Variants in GAREM1 observed in about 807,000 individuals in gnomAD.
The protein encoded by GAREM1 is GRB2 associated regulator of MAPK1 subtype 1, also known as GRB2-associated and regulator of MAPK protein 1.
Under a neutral mutation model 71.3 loss-of-function variants are expected in GAREM1, and 26 were observed. That is an observed-to-expected ratio of 0.36 (90% CI 0.27 to 0.51). GAREM1 has a LOEUF of 0.51. GAREM1 is among the 20% of genes least tolerant of loss of function. The pLI is 0.95. For missense variants in GAREM1, 1,026 were observed against 1,103.1 expected, an observed-to-expected ratio of 0.93 and a Z score of 0.99; for synonymous variants, 440 against 433.2, an observed-to-expected ratio of 1.02 and a Z score of -0.20.
intron 2 of GAREM1, among the ~76,000 whole-genome samples, chr18:32,332,724 C>T (rs1009489229): frequency 5.3e-5 from 8 of 152,136 alleles, no homozygotes; most frequent in Non-Finnish European, 7.3e-5. Flanking sequence ...GGGACACTGT[C>T]GGGATTAAAC....
chr18:32,311,023 A>G (rs1311221746), intron 2 of GAREM1, among the ~76,000 whole-genome samples: 1 of 152,214 alleles, frequency 6.6e-6, no homozygotes, highest in Admixed American at 6.5e-5. Context: ...ACTGCTATAT[A>G]TGAAATTCAT....
chr18:32,431,299 C>T (rs570246479), intron 1 of GAREM1, among the ~76,000 whole-genome samples: 1 of 152,166 alleles, frequency 6.6e-6, no homozygotes, highest in South Asian at 2.1e-4. Flanking sequence ...CATGCTATAA[C>T]GGTCCAGAAG....
chr18:32,382,526 GGAT>G (rs1287816609), intron 2 of GAREM1, among the ~76,000 whole-genome samples: 1 of 151,572 alleles, frequency 6.6e-6, no homozygotes, highest in African/African-American at 2.4e-5. Context: ...GTCTGCTGGA[GGAT>G]GATGCTTGTA....
At position 32,359,234 on chromosome 18, in the gene GAREM1, C is replaced by T. The variant is rs188164931; in HGVS notation, c.262+33661G>A. Among the ~76,000 whole-genome samples, 833 of 152,318 alleles carry T rather than the reference C, an allele frequency of 5.5e-3. 6 individuals are homozygous for T. The highest frequency in any genetic ancestry group is 0.019 in the African/African-American group (796 of 41,572). On this transcript the variant is annotated intron_variant, in intron 2 of 5. Coordinates refer to ENST00000269209, the MANE Select transcript of GAREM1 (RefSeq NM_001242409.2). ...GCAGCCCATGCCCCATACCTCCCACCTGATTCCTTCTCCCTAGAGGTGTGT... is the reference window on the plus strand; with the variant it reads ...GCAGCCCATGCCCCATACCTCCCACTTGATTCCTTCTCCCTAGAGGTGTGT...
At chr18:32,300,686 C>G (rs949469546) in intron 3 of GAREM1, among the ~76,000 whole-genome samples, 26 of 152,090 alleles carry the variant, frequency 1.7e-4, no homozygotes, top group Admixed American at 1.5e-3. Context: ...GCGGGCAAAT[C>G]GCTTGAGATC....
chr18:32,368,987 G>C (rs920003606), intron 2 of GAREM1, among the ~76,000 whole-genome samples: 5 of 152,182 alleles, frequency 3.3e-5, no homozygotes, highest in South Asian at 2.1e-4. Context: ...GTCTGTATTT[G>C]ATCTCAACAG....
At chr18:32,330,006 AT>A (rs111559470) in intron 2 of GAREM1, among the ~76,000 whole-genome samples, 11,801 of 152,142 alleles carry the variant, frequency 0.078, 567 homozygotes, top group African/African-American at 0.13. Flanking sequence ...ACAAAAATAG[AT>A]TTTTGACAAA....
chr18:32,384,556 A>T (rs1182290120), intron 2 of GAREM1, among the ~76,000 whole-genome samples: 1 of 152,204 alleles, frequency 6.6e-6, no homozygotes, highest in Non-Finnish European at 1.5e-5. Context: ...TTAGTTTGCC[A>T]GAGTCATCTA....
At chr18:32,408,924 G>T (rs1403061104) in intron 1 of GAREM1, among the ~76,000 whole-genome samples, 1 of 152,140 alleles carries the variant, frequency 6.6e-6, no homozygotes, top group South Asian at 2.1e-4. Flanking sequence ...ATCTAAAAGT[G>T]ACTTCTAATT....
chr18:32,349,982 C>T lies in GAREM1; in HGVS notation c.263-39659G>A, dbSNP rs117250332. Among the ~76,000 whole-genome samples the T allele has an allele frequency of 7.2e-5, 11 of 152,252 alleles. No homozygotes were observed. The East Asian group carries it at 2.1e-3, about 29-fold the overall frequency. On this transcript the variant is annotated intron_variant, in intron 2 of 5. Transcript: ENST00000269209. ...CATCATGACAACTCTGGCAGGGCTC[C>T]AAGTGTCTGAAGCAGAACGAAGTCT... is the stretch of plus-strand genomic sequence containing the variant.
At chr18:32,401,181 TG>T (rs1315551073) in intron 1 of GAREM1, among the ~76,000 whole-genome samples, 1 of 151,260 alleles carries the variant, frequency 6.6e-6, no homozygotes, top group Non-Finnish European at 1.5e-5. Flanking sequence ...GTCGTGGGGT[TG>T]GGGGGAGAGG....
chr18:32,331,402 T>C (rs1481197187), intron 2 of GAREM1, among the ~76,000 whole-genome samples: 1 of 152,216 alleles, frequency 6.6e-6, no homozygotes, highest in Non-Finnish European at 1.5e-5. Flanking sequence ...TCCAAATGTA[T>C]ATTAAACTGT....
At chr18:32,390,609 G>T (rs1356616030) in intron 2 of GAREM1, among the ~76,000 whole-genome samples, 2 of 152,052 alleles carry the variant, frequency 1.3e-5, no homozygotes, top group East Asian at 3.9e-4. Context: ...AACATAATCC[G>T]TCACCTTCCT....
chr18:32,433,489 A>AGAAAGGAAATCTATAT (rs1491451315), intron 1 of GAREM1, among the ~76,000 whole-genome samples: 2 of 151,904 alleles, frequency 1.3e-5, no homozygotes, highest in Non-Finnish European at 2.9e-5. Flanking sequence ...AAAAACATAT[A>AGAAAGGAAATCTATAT]GAAAGGAAAT....
intron 2 of GAREM1, among the ~76,000 whole-genome samples, chr18:32,328,760 G>T (rs1354106315): frequency 6.6e-6 from 1 of 152,144 alleles, no homozygotes; most frequent in Non-Finnish European, 1.5e-5. Flanking sequence ...ATACCACTTA[G>T]GGGCAGGGAA....
intron 3 of GAREM1, among the ~76,000 whole-genome samples, chr18:32,302,204 G>T (rs1310701657): frequency 6.6e-6 from 1 of 152,168 alleles, no homozygotes; most frequent in African/African-American, 2.4e-5. Context: ...TTGCTGCTGA[G>T]TCATTTTGTG....
chr18:32,286,649 A>C (rs1055486375), intron 4 of GAREM1, among the ~76,000 whole-genome samples: 2 of 152,204 alleles, frequency 1.3e-5, no homozygotes, highest in African/African-American at 4.8e-5. Flanking sequence ...AGTCTGAAGC[A>C]GCCGTCTCTC....
At chr18:32,321,832 G>C (rs1340588398) in intron 2 of GAREM1, among the ~76,000 whole-genome samples, 5 of 152,008 alleles carry the variant, frequency 3.3e-5, no homozygotes, top group Non-Finnish European at 7.4e-5. Flanking sequence ...CTTGCCTCTA[G>C]ATTTCCACCC....
At chr18:32,442,375 C>T (rs749358240) in intron 1 of GAREM1, among the ~76,000 whole-genome samples, 38 of 152,042 alleles carry the variant, frequency 2.5e-4, no homozygotes, top group Non-Finnish European at 4.9e-4. Context: ...GCTTTTTACT[C>T]GGCATGTGAT....
Sources: allele counts gnomAD v4.1 joint callset (sites outside exome capture counted in the v4.1 genomes callset), GRCh38; gene constraint gnomAD v4.1.1; transcripts MANE v1.5; gene names NCBI Gene and HGNC (gene_info 2026-07-23, HGNC 2026-07-21).